PRKN: variants seen among roughly 807,000 people sequenced by gnomAD.
PRKN encodes the protein E3 ubiquitin-protein ligase parkin.
Under a neutral mutation model 59.5 loss-of-function variants are expected in PRKN, and 56 were observed. The ratio of observed to expected loss-of-function variants is 0.94; its 90% CI spans 0.76 to 1.18. PRKN has a LOEUF of 1.18. Ranked by LOEUF, PRKN falls within the 50% of genes most tolerant of loss-of-function variation. The probability of loss-of-function intolerance (pLI) is 0.00; values close to 1 mark genes in which losing one functional copy is unlikely to be tolerated. For synonymous variants in PRKN, 250 were observed against 222.1 expected (o/e 1.13, Z -1.12); for missense variants, 657 against 596.4 (o/e 1.10, Z -1.06).
chr6:162,371,500 A>C (rs984625612), intron 2 of PRKN, among the ~76,000 whole-genome samples: 1 of 152,162 alleles, frequency 6.6e-6, no homozygotes, highest in African/African-American at 2.4e-5. Context: ...GGGTGACCCT[A>C]AATACAAGTT....
chr6:162,303,305 G>A (rs1457974703), intron 2 of PRKN, among the ~76,000 whole-genome samples: 1 of 151,980 alleles, frequency 6.6e-6, no homozygotes, highest in Non-Finnish European at 1.5e-5. Flanking sequence ...TTTGATTTTT[G>A]CCTCACCTAA....
At chr6:162,679,517 G>T (rs565007937) in intron 1 of PRKN, among the ~76,000 whole-genome samples, 1 of 152,238 alleles carries the variant, frequency 6.6e-6, no homozygotes, top group South Asian at 2.1e-4. Flanking sequence ...CTATTTCAAG[G>T]TCATGAAGAT....
chr6:162,084,729 G>A (rs1029248313), intron 4 of PRKN, among the ~76,000 whole-genome samples: 1 of 152,002 alleles, frequency 6.6e-6, no homozygotes, highest in East Asian at 1.9e-4. Flanking sequence ...TACTAAGAGT[G>A]TACTGTAGTT....
At chr6:161,465,433 GC>G (rs1236947333) in intron 9 of PRKN, among the ~76,000 whole-genome samples, 2 of 151,238 alleles carry the variant, frequency 1.3e-5, no homozygotes, top group African/African-American at 4.9e-5. Context: ...GATTCTGTCA[GC>G]TTTTGTCATC....
At chr6:161,956,742 T>C (rs1780183755) in intron 6 of PRKN, among the ~76,000 whole-genome samples, 1 of 152,102 alleles carries the variant, frequency 6.6e-6, no homozygotes. Flanking sequence ...GAAAACCAGA[T>C]TAGAGTTGAA....
intron 6 of PRKN, among the ~76,000 whole-genome samples, chr6:161,883,489 G>GA (rs146737341): frequency 0.036 from 5,317 of 147,628 alleles, 167 homozygotes; most frequent in East Asian, 0.15. Flanking sequence ...TCTGACAAAG[G>GA]GAAGGGAAGG....
intron 2 of PRKN, among the ~76,000 whole-genome samples, chr6:162,436,459 G>A (rs929260487): frequency 2.0e-5 from 3 of 151,248 alleles, no homozygotes; most frequent in African/African-American, 7.3e-5. Context: ...AGCCTTCCAC[G>A]TAGCTGGGAT....
At chr6:162,531,460 A>G (rs1308092877) in intron 1 of PRKN, among the ~76,000 whole-genome samples, 2 of 152,114 alleles carry the variant, frequency 1.3e-5, no homozygotes, top group East Asian at 1.9e-4. Flanking sequence ...GTGTTTAAGG[A>G]TAACTTGGTG....
At chr6:161,908,178 A>G (rs1467397110) in intron 6 of PRKN, among the ~76,000 whole-genome samples, 4 of 152,218 alleles carry the variant, frequency 2.6e-5, no homozygotes, top group African/African-American at 9.6e-5. Context: ...ATAAATGTGA[A>G]CAGCAGTATT....
In PRKN at chr6:161,641,972, T is replaced by C. The variant is rs560757409; in HGVS notation, c.872-72556A>G. Among the ~76,000 whole-genome samples, 6 of 152,344 alleles carry C rather than the reference T, an allele frequency of 3.9e-5. No individual in the cohort carries two copies. The South Asian group carries it at 1.0e-3, about 26-fold the overall frequency. On this transcript the variant is annotated intron_variant, in intron 7 of 11. Coordinates refer to ENST00000366898, the MANE Select transcript of PRKN (RefSeq NM_004562.3). ...AGTGTAAAGAGTTTACATACTTCTT[T>C]TCCCCTCCAGTGTGGGGAAGCAATT...
intron 1 of PRKN, among the ~76,000 whole-genome samples, chr6:162,486,017 G>A (rs370297076): frequency 6.6e-6 from 1 of 152,072 alleles, no homozygotes; most frequent in East Asian, 1.9e-4. Context: ...ACATTAAGAG[G>A]GGTTTATTTC....
chr6:162,579,588 C>T (rs78101724), intron 1 of PRKN, among the ~76,000 whole-genome samples: 3,095 of 151,838 alleles, frequency 0.02, 117 homozygotes, highest in African/African-American at 0.07. Context: ...TACACAAGTT[C>T]ACACGTGCAC....
At position 162,656,438 on chromosome 6, in the gene PRKN, T is replaced by C. The variant is rs573072016; in HGVS notation, c.7+71224A>G. 2.0e-5 allele frequency among the ~76,000 whole-genome samples: 3 copies of C among 152,314 alleles called. No individual in the cohort carries two copies. The South Asian group carries it at 6.2e-4, about 32-fold the overall frequency. ...CTTCTCCCAGAAATCAGGATGCTAG[T>C]GAATGGCCTCACCCTCCATCCCATT... is the stretch of plus-strand genomic sequence containing the variant. On this transcript the variant is annotated intron_variant, in intron 1 of 11. Transcript: ENST00000366898.
In PRKN at chr6:161,548,622, T is replaced by A; in HGVS notation, c.1083+232A>T. 1.9e-6 allele frequency: 1 copy of A among 534,286 alleles called. No homozygotes were observed. 33.1% of individuals were successfully genotyped at this position (534,286 alleles called of 1,614,324 possible). On this transcript the variant is annotated intron_variant, in intron 9 of 11. Coordinates refer to ENST00000366898, the MANE Select transcript of PRKN (RefSeq NM_004562.3). The surrounding 1 kb of genome is among the most constrained non-coding windows in gnomAD (Gnocchi z 4.2). Reference sequence around the variant, plus strand: ...CAGCATCTTAAAGTAAATACTTCCATAAGCAACCAAAGCAGAAAATCTTCA... The same window carrying A: ...CAGCATCTTAAAGTAAATACTTCCAAAAGCAACCAAAGCAGAAAATCTTCA...
intron 1 of PRKN, among the ~76,000 whole-genome samples, chr6:162,602,401 G>C (rs1197743586): frequency 6.6e-6 from 1 of 152,216 alleles, no homozygotes; most frequent in Non-Finnish European, 1.5e-5. Context: ...AGGGTAATGA[G>C]GGGAGGCCAC....
intron 2 of PRKN, among the ~76,000 whole-genome samples, chr6:162,295,207 A>G (rs1437812319): frequency 6.6e-6 from 1 of 152,186 alleles, no homozygotes; most frequent in Non-Finnish European, 1.5e-5. Flanking sequence ...CGGTACCCAT[A>G]TGGAGGCTTT....
chr6:162,152,354 C>A (rs1300124508), intron 4 of PRKN, among the ~76,000 whole-genome samples: 1 of 152,156 alleles, frequency 6.6e-6, no homozygotes, highest in Non-Finnish European at 1.5e-5. Context: ...AACTACTGTT[C>A]TCCATGACAC....
chr6:162,342,941 A>G (rs1339736989), intron 2 of PRKN, among the ~76,000 whole-genome samples: 1 of 152,170 alleles, frequency 6.6e-6, no homozygotes. Context: ...CTTTCATAAA[A>G]TCTTATTCCT....
At chr6:161,936,488 C>A (rs1024950382) in intron 6 of PRKN, among the ~76,000 whole-genome samples, 1 of 152,010 alleles carries the variant, frequency 6.6e-6, no homozygotes, top group Non-Finnish European at 1.5e-5. Context: ...GGATTACAGG[C>A]GTGAGTCACC....
Sources: allele counts gnomAD v4.1 joint callset (sites outside exome capture counted in the v4.1 genomes callset), GRCh38; gene constraint gnomAD v4.1.1; non-coding constraint Gnocchi (gnomAD v3.1); transcripts MANE v1.5; gene names NCBI Gene and HGNC (gene_info 2026-07-23, HGNC 2026-07-21).